The following MEX3C variants were observed in gnomAD, a reference collection of about 807,000 sequenced individuals.
The protein encoded by MEX3C is mex-3 RNA binding family member C.
MEX3C carries 15 observed loss-of-function variants against 35.5 expected under a neutral mutation model. That is an observed-to-expected ratio of 0.42 (90% CI 0.28 to 0.65). The LOEUF (loss-of-function observed/expected upper bound fraction) is 0.65, where lower values mean the gene tolerates loss of function less well. Among genes scored for constraint, MEX3C ranks in the 30% least tolerant of loss-of-function variants. MEX3C has a pLI of 0.20. For missense variants in MEX3C, 711 were observed against 842.8 expected (o/e 0.84, Z 1.94); for synonymous variants, 390 against 352.8 (o/e 1.11, Z -1.18).
chr18:51,193,933 T>C (rs1318001718), intron 1 of MEX3C: 1 of 152,244 alleles, frequency 6.6e-6, no homozygotes, highest in Non-Finnish European at 1.5e-5. Context: ...GACATAATTA[T>C]TTCCAAAATC....
chr18:51,176,716 G>A lies in MEX3C; in HGVS notation c.1615C>T (p.Pro539Ser), dbSNP rs1263287733. ...GTAGGAGACAGACGAGGAGTAGATG[G>A]CTGACTTCCTCTGCGCTGAGTCTTC... ...NMKTQRRGSQ[P>S]STPRLSPTFP... Residue 539 changes from proline (P) to serine (S), a missense_variant, in exon 2 of 2, where the codon CCA becomes TCA. Coordinates refer to ENST00000406189, the MANE Select transcript of MEX3C (RefSeq NM_016626.5). The A allele has an allele frequency of 3.1e-6, 5 of 1,614,040 alleles. No individual in the cohort carries two copies. Among genetic ancestry groups the A allele is most frequent in the Non-Finnish European group, 2.5e-6 (3 of 1,179,902 alleles).
intron 1 of MEX3C, 96 bp downstream of exon 1, chr18:51,196,471 G>A (rs1325788953): frequency 1.4e-6 from 2 of 1,478,698 alleles, no homozygotes; most frequent in Non-Finnish European, 1.8e-6. Flanking sequence ...TGGGGGCCTC[G>A]CCGGGTTCGC....
At chr18:51,195,789 AGTCT>A (rs1453773121) in intron 1 of MEX3C, 14 of 152,184 alleles carry the variant, frequency 9.2e-5, no homozygotes, top group Non-Finnish European at 2.1e-4. Context: ...ATGTGGGAGG[AGTCT>A]GTCTGCAGTA....
chr18:51,190,762 A>G (rs1912634023), intron 1 of MEX3C, among the ~76,000 whole-genome samples: 1 of 152,222 alleles, frequency 6.6e-6, no homozygotes, highest in African/African-American at 2.4e-5. Flanking sequence ...CATTCAATTT[A>G]GTATATCTGG....
intron 1 of MEX3C, among the ~76,000 whole-genome samples, chr18:51,181,515 A>T (rs1450596097): frequency 2.1e-3 from 3 of 1,422 alleles, no homozygotes; most frequent in African/African-American, 2.3e-3. Flanking sequence ...AATGCTAGTA[A>T]AGAGTGGGGA....
Position 51,188,597 on chromosome 18 carries a change from C to CAA in MEX3C, c.754+7968_754+7969dup, listed in dbSNP as rs34117820. Among the ~76,000 whole-genome samples the CAA allele has an allele frequency of 2.9e-3, 396 of 135,994 alleles. 5 individuals carry two copies. Among genetic ancestry groups the CAA allele is most frequent in the African/African-American group, 0.01 (385 of 36,760 alleles). 89.2% of individuals were successfully genotyped at this position (135,994 alleles called of 152,430 possible). A position where few individuals can be genotyped will look rare whatever the true frequency, so the allele number is the denominator to read the frequency against. ...TGGGCGACAGAGTGAGACCCTGTCT[C>CAA]AAAAAAAAAAAAAATTAAAAAAAAT... On this transcript the variant is annotated intron_variant, in intron 1 of 1. Transcript: ENST00000406189.
chr18:51,196,793 C>G lies in MEX3C; in HGVS notation c.528G>C (p.Glu176Asp). Residue 176 changes from glutamate to aspartate, a missense_variant, in exon 1 of 2, where the codon GAG becomes GAC. Glu to Asp is a conservative substitution (Grantham distance 45). Coordinates refer to ENST00000406189, the MANE Select transcript of MEX3C (RefSeq NM_016626.5). Reference protein sequence around the residue: ...LLPAARFDAREAAAAAAAAGV... With the variant: ...LLPAARFDARDAAAAAAAAGV... ...CCGCCGCCGCCGCCGCGGCCGCCGC[C>G]TCCCGGGCATCGAACCTGGCGGCTG... is the stretch of plus-strand genomic sequence containing the variant. 3 of 1,529,354 alleles carry G rather than the reference C, an allele frequency of 2.0e-6. No homozygotes were observed. The highest frequency in any genetic ancestry group is 2.6e-6 in the Non-Finnish European group (3 of 1,143,804). 94.7% of individuals were successfully genotyped at this position (1,529,354 alleles called of 1,614,324 possible). A position where few individuals can be genotyped will look rare whatever the true frequency, so the allele number is the denominator to read the frequency against.
intron 1 of MEX3C, among the ~76,000 whole-genome samples, chr18:51,180,467 G>A (rs1441589134): frequency 2.6e-5 from 4 of 152,022 alleles, no homozygotes; most frequent in Non-Finnish European, 2.9e-5. Context: ...AGACAGCAAA[G>A]CCAACCCTGG....
At chr18:51,182,989 A>C (rs1227283837) in intron 1 of MEX3C, among the ~76,000 whole-genome samples, 3 of 152,228 alleles carry the variant, frequency 2.0e-5, no homozygotes, top group Non-Finnish European at 4.4e-5. Flanking sequence ...ATGTGAAATG[A>C]TGTACTTACA....
rs1021828668 is a variant in MEX3C, at chr18:51,197,516, GGAA to G, written c.-199_-197del. ...GGAGAGGGCGGGGTGGAGGGGCAGG[GGAA>G]GGAGGCAGAGGTAGGTAACTAGGTG... On this transcript the variant is annotated 5_prime_UTR_variant, in exon 1 of 2. Transcript: ENST00000406189. 6.8e-6 allele frequency among the ~76,000 whole-genome samples: 1 copy of G among 146,806 alleles called. No individual in the cohort carries two copies. The highest frequency in any genetic ancestry group is 2.5e-5 in the African/African-American group (1 of 40,380).
At chr18:51,190,044 C>T (rs1476440607) in intron 1 of MEX3C, among the ~76,000 whole-genome samples, 1 of 152,080 alleles carries the variant, frequency 6.6e-6, no homozygotes, top group Non-Finnish European at 1.5e-5. Context: ...TTCAATTGTA[C>T]TGTCAATTTC....
At chr18:51,194,601 A>G (rs1217218057) in intron 1 of MEX3C, 1 of 152,226 alleles carries the variant, frequency 6.6e-6, no homozygotes, top group Non-Finnish European at 1.5e-5. Flanking sequence ...ATGAAGGACT[A>G]AAGTTTGTAT....
intron 1 of MEX3C, among the ~76,000 whole-genome samples, chr18:51,189,511 G>A (rs970192426): frequency 2.0e-5 from 3 of 152,004 alleles, no homozygotes; most frequent in Admixed American, 2.0e-4. Flanking sequence ...GCATGTACAA[G>A]GTATTTTAAA....
intron 1 of MEX3C, among the ~76,000 whole-genome samples, chr18:51,183,842 A>C (rs1054993387): frequency 6.6e-6 from 1 of 151,918 alleles, no homozygotes; most frequent in African/African-American, 2.4e-5. Context: ...TAAAAACAAC[A>C]AAAAAAATTA....
chr18:51,184,718 C>A (rs34666258), intron 1 of MEX3C, among the ~76,000 whole-genome samples: 1 of 151,634 alleles, frequency 6.6e-6, no homozygotes, highest in Non-Finnish European at 1.5e-5. Flanking sequence ...ACTATCTGGG[C>A]GTGGTGGTGC....
At chr18:51,193,627 C>A (rs1481076162) in intron 1 of MEX3C, 1 of 152,156 alleles carries the variant, frequency 6.6e-6, no homozygotes, top group South Asian at 2.1e-4. Flanking sequence ...TTGATTATAT[C>A]AACAAGCCTC....
At position 51,175,148 on chromosome 18, in the gene MEX3C, T is replaced by C. The variant is rs971583518; in HGVS notation, c.*1203A>G. ...TATTGAATACACATAGGATTTCAATTTTCATTATACCGAGAAAAAAGCTCT... is the reference window on the plus strand; with the variant it reads ...TATTGAATACACATAGGATTTCAATCTTCATTATACCGAGAAAAAAGCTCT... On this transcript the variant is annotated 3_prime_UTR_variant, in exon 2 of 2. Transcript: ENST00000406189. 23 of 152,626 alleles carry C rather than the reference T, an allele frequency of 1.5e-4. No individual in the cohort carries two copies. Among genetic ancestry groups the C allele is most frequent in the African/African-American group, 5.5e-4 (23 of 41,452 alleles). The allele number at this position is 152,626 out of a possible 1,614,324, so 9.5% of individuals were successfully genotyped here.
Position 51,176,396 on chromosome 18 carries a change from T to C in MEX3C, c.1935A>G (p.Pro645=), listed in dbSNP as rs150981349. ...KICEKRTPSC[P]VCQTAVTQAI... ...CCTGAGTAACAGCTGTCTGGCAAAC[T>C]GGACATGATGGCGTTCTCTTTTCAC... Residue 645 remains proline (P), a synonymous_variant, in exon 2 of 2, where the codon CCA becomes CCG. Transcript: ENST00000406189. 215 of 1,613,974 alleles carry C rather than the reference T, an allele frequency of 1.3e-4. No individual in the cohort carries two copies. In the African/African-American group the frequency reaches 2.4e-3, roughly 18 times the overall value.
intron 1 of MEX3C, chr18:51,195,174 G>A (rs1912748822): frequency 3.9e-5 from 6 of 152,194 alleles, no homozygotes; most frequent in Admixed American, 3.9e-4. Flanking sequence ...AAATTGAGAT[G>A]TTGTAATTTT....
Sources: allele counts gnomAD v4.1 joint callset (sites outside exome capture counted in the v4.1 genomes callset), GRCh38; gene constraint gnomAD v4.1.1; transcripts MANE v1.5; gene names NCBI Gene and HGNC (gene_info 2026-07-23, HGNC 2026-07-21).